The following REXO4 variants were observed in gnomAD, a reference collection of about 807,000 sequenced individuals.
REXO4 encodes the protein RNA exonuclease 4.
In REXO4, 29 loss-of-function variants were observed where a neutral mutation model predicts 39.9. The ratio of observed to expected loss-of-function variants is 0.73; its 90% CI spans 0.54 to 0.99. The LOEUF (loss-of-function observed/expected upper bound fraction) is 0.99. Among genes scored for constraint, REXO4 ranks in the 50% least tolerant of loss-of-function variants. REXO4 has a pLI of 0.00. For missense variants in REXO4, 524 were observed against 546.5 expected, an observed-to-expected ratio of 0.96 and a Z score of 0.41; for synonymous variants, 184 against 206.2, an observed-to-expected ratio of 0.89 and a Z score of 0.92.
intron 2 of REXO4, 41 bp downstream of exon 2, chr9:133,414,624 G>A (rs782352892): frequency 4.4e-6 from 7 of 1,577,848 alleles, no homozygotes; most frequent in South Asian, 3.3e-5. Flanking sequence ...TGGTGAAGTC[G>A]CTGTGCCTCG....
chr9:133,410,945 G>T, intron 5 of REXO4, 40 bp downstream of exon 5: 3 of 1,490,940 alleles, frequency 2.0e-6, no homozygotes, highest in Non-Finnish European at 2.8e-6. Flanking sequence ...AACACCCACG[G>T]AGCAGGGGCA....
intron 6 of REXO4, among the ~76,000 whole-genome samples, 157 bp from the exon 7 acceptor site, chr9:133,408,038 A>G (rs1554779338): frequency 6.6e-6 from 1 of 152,168 alleles, no homozygotes; most frequent in African/African-American, 2.4e-5. Context: ...GGTGGTAGCC[A>G]CCAGCTGCCA....
chr9:133,414,609 G>A, intron 2 of REXO4, 56 bp downstream of exon 2: 1 of 1,502,992 alleles, frequency 6.7e-7, no homozygotes, highest in Non-Finnish European at 9.3e-7. Flanking sequence ...TAAGGAGACA[G>A]GCCTTGGTGA....
intron 2 of REXO4, among the ~76,000 whole-genome samples, chr9:133,413,178 A>C (rs1839332192): frequency 6.6e-6 from 1 of 151,970 alleles, no homozygotes. Context: ...GGCTCACTGC[A>C]ACCTTTGCCT....
At chr9:133,412,656 G>C (rs1022561761) in intron 3 of REXO4, 122 bp downstream of exon 3, 36 of 1,453,026 alleles carry the variant, frequency 2.5e-5, no homozygotes, top group Non-Finnish European at 3.3e-5. Context: ...GTTCTTAGCA[G>C]GACCCTGGGA....
chr9:133,417,884 A>C lies in REXO4; in HGVS notation c.-40T>G. ...GCGCCTGGGCCGGCGGCCACCCGAG[A>C]CCCCGGCCTCCCCGGGCCCGGCGCC... On this transcript the variant is annotated 5_prime_UTR_variant, in exon 1 of 8. Transcript: ENST00000371942. 1 of 1,578,712 alleles carries C rather than the reference A, an allele frequency of 6.3e-7. No homozygotes were observed. Among genetic ancestry groups the C allele is most frequent in the Non-Finnish European group, 8.6e-7 (1 of 1,168,354 alleles).
chr9:133,408,926 T>A, intron 5 of REXO4, 84 bp from the exon 6 acceptor site: 2 of 608,582 alleles, frequency 3.3e-6, no homozygotes, highest in Non-Finnish European at 5.8e-6. Context: ...CTTTTGCAAG[T>A]AACATCTTTG....
At chr9:133,410,163 T>C (rs1839140615) in intron 5 of REXO4, among the ~76,000 whole-genome samples, 1 of 152,226 alleles carries the variant, frequency 6.6e-6, no homozygotes, top group Admixed American at 6.5e-5. Flanking sequence ...TGTCACTTCC[T>C]TCTGAACGGC....
In REXO4 at chr9:133,412,800, C is replaced by CGAGGCT. The variant is rs781874055; in HGVS notation, c.688_693dup (p.Ser230_Leu231dup). On this transcript the variant is annotated inframe_insertion, in exon 3 of 8. Transcript: ENST00000371942. The stretch of plus-strand genomic sequence containing the variant: ...TACCCGCCGAAGGCCTGCTCTTTCA[C>CGAGGCT]GAGGCTGAGGCTGACGCTGCCCTCG... 2 of 1,613,186 alleles carry CGAGGCT rather than the reference C, an allele frequency of 1.2e-6. No individual in the cohort carries two copies. The highest frequency in any genetic ancestry group is 1.1e-5 in the South Asian group (1 of 91,090).
At chr9:133,412,050 A>G (rs587608423) in intron 4 of REXO4, among the ~76,000 whole-genome samples, 2 of 152,134 alleles carry the variant, frequency 1.3e-5, no homozygotes, top group African/African-American at 4.8e-5. Flanking sequence ...TACAGGCATG[A>G]GCCACCGTGC....
rs1554781962 is a variant in REXO4 at position 133,417,688 on chromosome 9, G to A, written c.157C>T (p.Pro53Ser). The change falls in exon 1 of 8, where the codon CCC (proline) becomes TCC (serine). Residue 53 changes from proline (P) to serine (S), a missense_variant. Physicochemically the swap from Pro to Ser is moderately conservative, Grantham distance 74. Transcript: ENST00000371942. ...TTTGGAGGTCGCACCACAGCACCGG[G>A]GCCGCTTGCTGGCTTCTTGCTTACT... ...REVSKKPASG[P>S]GAVVRPPKAP... 6.2e-7 allele frequency: 1 copy of A among 1,614,092 alleles called. No individual in the cohort carries two copies. The highest frequency in any genetic ancestry group is 1.1e-5 in the South Asian group (1 of 91,088).
intron 4 of REXO4, among the ~76,000 whole-genome samples, chr9:133,411,900 T>C (rs1224586774): frequency 9.2e-5 from 14 of 152,138 alleles, no homozygotes; most frequent in Admixed American, 9.2e-4. Context: ...CACTTCAGCC[T>C]GGGCAACAAG....
rs967668812 is a variant in REXO4, at chr9:133,417,699, G to A, written c.146C>T (p.Pro49Leu). The part of the protein sequence containing the change: ...KSKAREVSKK[P>L]ASGPGAVVRP... The stretch of plus-strand genomic sequence containing the variant: ...CACCACAGCACCGGGGCCGCTTGCT[G>A]GCTTCTTGCTTACTTCCCGCGCCTT... The change falls in exon 1 of 8, where the codon CCA becomes CTA. Residue 49 changes from proline (P) to leucine (L), a missense_variant. Physicochemically the swap from Pro to Leu is moderately conservative, Grantham distance 98 (BLOSUM62 -3). Transcript: ENST00000371942. The A allele has an allele frequency of 1.2e-6, 2 of 1,614,154 alleles. No individual in the cohort carries two copies. Among genetic ancestry groups the A allele is most frequent in the African/African-American group, 2.7e-5 (2 of 75,066 alleles).
rs782759442 is a variant in REXO4 at position 133,412,392 on chromosome 9, TC to T, written c.816del (p.Lys273SerfsTer14). On this transcript the variant is annotated frameshift_variant, in exon 4 of 8. Transcript: ENST00000371942. LOFTEE classifies it high-confidence loss of function. ...AARVSIVNQY[G>X]KCVYDKYVKP... Reference sequence around the variant, plus strand: ...TTGACGTACTTGTCATAAACGCACTTCCCATACTGGTTCACGATGGACACAC... The same window carrying T: ...TTGACGTACTTGTCATAAACGCACTTCCATACTGGTTCACGATGGACACAC... The T allele has an allele frequency of 6.2e-7, 1 of 1,614,046 alleles. No homozygotes were observed. The highest frequency in any genetic ancestry group is 8.5e-7 in the Non-Finnish European group (1 of 1,180,008).
At chr9:133,417,036 A>T (rs1839667420) in intron 1 of REXO4, among the ~76,000 whole-genome samples, 1 of 152,156 alleles carries the variant, frequency 6.6e-6, no homozygotes, top group Non-Finnish European at 1.5e-5. Context: ...TTTGAGATGG[A>T]GTCTCGCTCT....
intron 4 of REXO4, among the ~76,000 whole-genome samples, chr9:133,411,819 G>A (rs1003457211): frequency 6.6e-6 from 1 of 151,998 alleles, no homozygotes; most frequent in African/African-American, 2.4e-5. Flanking sequence ...CCAGCTACTC[G>A]GGAGGCTGAG....
At position 133,414,740 on chromosome 9, in the gene REXO4, T is replaced by A; in HGVS notation, c.497A>T (p.Asp166Val). 1 of 1,614,168 alleles carries A rather than the reference T, an allele frequency of 6.2e-7. No homozygotes were observed. Among genetic ancestry groups the A allele is most frequent in the Non-Finnish European group, 8.5e-7 (1 of 1,180,048 alleles). ...KKGTKERTNG[D>V]IVPERGDIEH... ...GATGTCCCCTCGTTCTGGAACAATATCACCATTTGTCCTTTCCTTGGTTCC... is the reference window on the plus strand; with the variant it reads ...GATGTCCCCTCGTTCTGGAACAATAACACCATTTGTCCTTTCCTTGGTTCC... Residue 166 changes from aspartate (D) to valine (V), a missense_variant, in exon 2 of 8, where the codon GAT becomes GTT. Physicochemically the swap from Asp to Val is radical, Grantham distance 152. Transcript: ENST00000371942.
chr9:133,412,779 C>A lies in REXO4; in HGVS notation c.715G>T (p.Gly239Cys), dbSNP rs149617268. 1 of 1,611,354 alleles carries A rather than the reference C, an allele frequency of 6.2e-7. No individual in the cohort carries two copies. Among genetic ancestry groups the A allele is most frequent in the Non-Finnish European group, 8.5e-7 (1 of 1,179,988 alleles). The change falls in exon 3 of 8, where the codon GGC (glycine) becomes TGC (cysteine). Residue 239 changes from glycine (G) to cysteine (C), a missense_variant and splice_region_variant. Physicochemically the swap from Gly to Cys is radical, Grantham distance 159. Coordinates refer to ENST00000371942, the MANE Select transcript of REXO4 (RefSeq NM_020385.4). ...CCCCACTCCCTGAGACCAGCGTACCCGCCGAAGGCCTGCTCTTTCACGAGG... is the reference window on the plus strand; with the variant it reads ...CCCCACTCCCTGAGACCAGCGTACCAGCCGAAGGCCTGCTCTTTCACGAGG... ...LSLVKEQAFGGLTRALALDCE... is the reference protein window; with the variant it reads ...LSLVKEQAFGCLTRALALDCE...
In REXO4 at chr9:133,406,953, C is replaced by G. The variant is rs141346614; in HGVS notation, c.1269G>C (p.Ter423TyrextTer47). ...CGGCAGCAGCAGCAGGGCAGGACTG[C>G]TAGGCGTCGTCACTGCAGTGGTCTG... is the stretch of plus-strand genomic sequence containing the variant. ...TAPDHCSDDA[*>Y] The change falls in exon 8 of 8, where the codon TAG (stop) becomes TAC (tyrosine). Residue 423 changes from the stop codon to tyrosine (Y), a stop_lost. Coordinates refer to ENST00000371942, the MANE Select transcript of REXO4 (RefSeq NM_020385.4). 911 of 1,610,550 alleles carry G rather than the reference C, an allele frequency of 5.7e-4. 12 individuals carry two copies. Among genetic ancestry groups the G allele is most frequent in the Non-Finnish European group, 9.1e-5 (107 of 1,179,976 alleles).
Sources: gnomAD v4.1 joint callset for allele counts (sites outside exome capture counted in the v4.1 genomes callset) on GRCh38, gnomAD v4.1.1 for gene constraint, MANE v1.5 for transcripts, NCBI Gene and HGNC (gene_info 2026-07-23, HGNC 2026-07-21) for gene names.